Variants in DHCR24 observed in about 807,000 individuals in gnomAD.
DHCR24 encodes the protein 24-dehydrocholesterol reductase, also known as delta(24)-sterol reductase.
In DHCR24, 28 loss-of-function variants were observed where a neutral mutation model predicts 61.2. That is an observed-to-expected ratio of 0.46 (90% CI 0.34 to 0.63). The LOEUF is 0.63. Among genes scored for constraint, DHCR24 ranks in the 20% least tolerant of loss-of-function variants. The pLI is 0.01. For synonymous variants in DHCR24, 261 were observed against 275.9 expected, an observed-to-expected ratio of 0.95 and a Z score of 0.54; for missense variants, 538 against 679.1, an observed-to-expected ratio of 0.79 and a Z score of 2.31.
chr1:54,859,709 T>C (rs1646925388), intron 6 of DHCR24, among the ~76,000 whole-genome samples: 1 of 152,212 alleles, frequency 6.6e-6, no homozygotes, highest in Non-Finnish European at 1.5e-5. Flanking sequence ...TAATCCTCAG[T>C]ATTCTCATCT....
At chr1:54,877,233 AAC>A (rs1284938057) in intron 2 of DHCR24, among the ~76,000 whole-genome samples, 2 of 151,852 alleles carry the variant, frequency 1.3e-5, no homozygotes, top group African/African-American at 2.4e-5. Context: ...TTTTAAACAC[AAC>A]ACACACAAAC....
chr1:54,852,305 C>T lies in DHCR24; in HGVS notation c.1479G>A (p.Leu493=). The change falls in exon 9 of 9, where the codon CTG becomes CTA. Residue 493 remains leucine, a synonymous_variant. Transcript: ENST00000371269. The stretch of plus-strand genomic sequence containing the variant: ...CGTCCTGGCAACCCAGCTTCTCTCG[C>T]AGCTTGTGGTACAAGGAGCCATCAA... ...EMFDGSLYHK[L]REKLGCQDAF... is the part of the protein sequence containing the mutation. The T allele has an allele frequency of 6.2e-7, 1 of 1,614,238 alleles. No homozygotes were observed. The highest frequency in any genetic ancestry group is 8.5e-7 in the Non-Finnish European group (1 of 1,180,046).
At chr1:54,886,487 A>T (rs1198503705) in intron 1 of DHCR24, 5 of 755,628 alleles carry the variant, frequency 6.6e-6, no homozygotes, top group Non-Finnish European at 9.8e-6. Context: ...GCTTCCCAGC[A>T]TTTGCTCACA....
chr1:54,858,109 C>T (rs1453837603), intron 6 of DHCR24, among the ~76,000 whole-genome samples: 1 of 152,268 alleles, frequency 6.6e-6, no homozygotes, highest in Non-Finnish European at 1.5e-5. Flanking sequence ...GTCTTGTCTT[C>T]TGCATTTCTA....
intron 2 of DHCR24, among the ~76,000 whole-genome samples, chr1:54,882,073 G>A (rs545931763): frequency 3.2e-4 from 48 of 151,560 alleles, no homozygotes; most frequent in African/African-American, 1.1e-3. Flanking sequence ...CAAACCCCAT[G>A]ACACACGTTT....
At chr1:54,863,120 G>A (rs1315579320) in intron 6 of DHCR24, among the ~76,000 whole-genome samples, 3 of 144,888 alleles carry the variant, frequency 2.1e-5, no homozygotes, top group African/African-American at 7.6e-5. Context: ...CCTTGGCCCT[G>A]AACCTTTGAA....
intron 1 of DHCR24, among the ~76,000 whole-genome samples, chr1:54,886,352 C>G (rs887863844): frequency 2.0e-5 from 3 of 152,204 alleles, no homozygotes; most frequent in African/African-American, 7.2e-5. Flanking sequence ...CTATCCTAAA[C>G]CCAATCAAAA....
intron 8 of DHCR24, among the ~76,000 whole-genome samples, chr1:54,853,101 C>T (rs1646885896): frequency 6.6e-6 from 1 of 152,132 alleles, no homozygotes; most frequent in Non-Finnish European, 1.5e-5. Context: ...GAGCAGTTGC[C>T]CCTGGACCCA....
At position 54,849,974 on chromosome 1, in the gene DHCR24, G is replaced by GT. The variant is rs1646865842; in HGVS notation, c.*2258_*2259insA. 6.6e-6 allele frequency: 1 copy of GT among 152,456 alleles called. No homozygotes were observed. Among genetic ancestry groups the GT allele is most frequent in the Non-Finnish European group, 1.5e-5 (1 of 68,062 alleles). The allele number at this position is 152,456 out of a possible 1,614,324, so 9.4% of individuals were successfully genotyped here. A position where few individuals can be genotyped will look rare whatever the true frequency, so the allele number is the denominator to read the frequency against. ...TACTTTCCACATGCACTGCCCACTG[G>GT]CATCAAGTTTAACTCCATCCAAAAC... On this transcript the variant is annotated 3_prime_UTR_variant, in exon 9 of 9. Transcript: ENST00000371269.
At position 54,883,541 on chromosome 1, in the gene DHCR24, A is replaced by G. The variant is rs1647076011; in HGVS notation, c.387+77T>C. On this transcript the variant is annotated intron_variant, in intron 2 of 8. Transcript: ENST00000371269. The surrounding 1 kb of genome is among the most constrained non-coding windows in gnomAD (Gnocchi z 4.3). ...CCACTCTGCAATGCCCTTGGCTAAA[A>G]TCATCTCCCTATGAGTCACTTGCAC... 1.3e-6 allele frequency: 2 copies of G among 1,584,310 alleles called. No homozygotes were observed. The highest frequency in any genetic ancestry group is 3.3e-5 in the Admixed American group (2 of 59,974).
At chr1:54,871,074 T>C (rs1646995775) in intron 5 of DHCR24, among the ~76,000 whole-genome samples, 1 of 152,216 alleles carries the variant, frequency 6.6e-6, no homozygotes, top group African/African-American at 2.4e-5. Context: ...CTCAGTTTCC[T>C]CATCTATAAA....
At chr1:54,864,577 T>C (rs534725814) in intron 6 of DHCR24, among the ~76,000 whole-genome samples, 5 of 152,298 alleles carry the variant, frequency 3.3e-5, no homozygotes, top group Non-Finnish European at 5.9e-5. Flanking sequence ...GGTTTCCTTT[T>C]CAGAGATGAA....
rs1484666079 is a variant in DHCR24 at position 54,849,746 on chromosome 1, G to A, written c.*2487C>T. Reference sequence around the variant, plus strand: ...TAAGAGCCTGACAGGGAAGATTCATGCCTTTCTCCTTGGCCCCCATGACCA... The same window carrying A: ...TAAGAGCCTGACAGGGAAGATTCATACCTTTCTCCTTGGCCCCCATGACCA... On this transcript the variant is annotated 3_prime_UTR_variant, in exon 9 of 9. Transcript: ENST00000371269. 6.6e-6 allele frequency: 1 copy of A among 152,654 alleles called. No homozygotes were observed. Among genetic ancestry groups the A allele is most frequent in the African/African-American group, 2.4e-5 (1 of 41,452 alleles). 9.5% of individuals were successfully genotyped at this position (152,654 alleles called of 1,614,324 possible).
At position 54,874,855 on chromosome 1, in the gene DHCR24, A is replaced by G. The variant is rs185127627; in HGVS notation, c.612+238T>C. Among the ~76,000 whole-genome samples the G allele has an allele frequency of 7.0e-4, 106 of 151,684 alleles. 1 individual carries two copies. The highest frequency in any genetic ancestry group is 6.9e-3 in the Admixed American group (105 of 15,294). ...TTTAATAATAATCTATAAAATAGGG[A>G]TAATAAACCTCCCTCATTAGGTTGT... On this transcript the variant is annotated intron_variant, in intron 4 of 8. Coordinates refer to ENST00000371269, the MANE Select transcript of DHCR24 (RefSeq NM_014762.4).
chr1:54,883,818 C>A lies in DHCR24; in HGVS notation c.232-45G>T. Reference sequence around the variant, plus strand: ...GGTGAGCTGGCCCCACTGGGAATCCCCAGAGCAGCCTGCAGCCCTGCTTTC... The same window carrying A: ...GGTGAGCTGGCCCCACTGGGAATCCACAGAGCAGCCTGCAGCCCTGCTTTC... On this transcript the variant is annotated intron_variant, in intron 1 of 8. Transcript: ENST00000371269. This position sits in a 1 kb window ranked among gnomAD's most constrained non-coding sequence, Gnocchi z 4.3. 1 of 1,612,556 alleles carries A rather than the reference C, an allele frequency of 6.2e-7. No individual in the cohort carries two copies. The highest frequency in any genetic ancestry group is 8.5e-7 in the Non-Finnish European group (1 of 1,179,816).
At chr1:54,884,857 T>C (rs944426121) in intron 1 of DHCR24, among the ~76,000 whole-genome samples, 6 of 152,130 alleles carry the variant, frequency 3.9e-5, no homozygotes, top group South Asian at 2.1e-4. Context: ...CCAGAAACTG[T>C]TGGGGCCTCT....
intron 5 of DHCR24, among the ~76,000 whole-genome samples, chr1:54,867,686 T>C (rs991236765): frequency 6.6e-6 from 1 of 152,096 alleles, no homozygotes; most frequent in African/African-American, 2.4e-5. Context: ...TTCCTACCCC[T>C]GAGAGCCTCA....
intron 2 of DHCR24, among the ~76,000 whole-genome samples, chr1:54,881,750 T>A (rs957262610): frequency 6.6e-6 from 1 of 152,142 alleles, no homozygotes; most frequent in Non-Finnish European, 1.5e-5. Flanking sequence ...TAAATGCCCA[T>A]CAGTGGTAGA....
chr1:54,883,864 G>C lies in DHCR24; in HGVS notation c.232-91C>G. The C allele has an allele frequency of 6.4e-7, 1 of 1,552,392 alleles. No homozygotes were observed. Among genetic ancestry groups the C allele is most frequent in the African/African-American group, 1.4e-5 (1 of 73,852 alleles). On this transcript the variant is annotated intron_variant, in intron 1 of 8. Coordinates refer to ENST00000371269, the MANE Select transcript of DHCR24 (RefSeq NM_014762.4). This position sits in a 1 kb window ranked among gnomAD's most constrained non-coding sequence, Gnocchi z 4.3. ...CTTTCTTCAAGGGCGAGCTGGGAATGATGCCTCCATCAGGCACTGGAGAAA... is the reference window on the plus strand; with the variant it reads ...CTTTCTTCAAGGGCGAGCTGGGAATCATGCCTCCATCAGGCACTGGAGAAA...
Sources: gnomAD v4.1 joint callset for allele counts (sites outside exome capture counted in the v4.1 genomes callset) on GRCh38, gnomAD v4.1.1 for gene constraint, Gnocchi (gnomAD v3.1) non-coding constraint, MANE v1.5 for transcripts, NCBI Gene and HGNC (gene_info 2026-07-23, HGNC 2026-07-21) for gene names.